The following SYTL3 variants were observed in gnomAD, a reference collection of about 807,000 sequenced individuals.
SYTL3 encodes the protein synaptotagmin-like protein 3.
Under a neutral mutation model 82.1 loss-of-function variants are expected in SYTL3, and 88 were observed. That is an observed-to-expected ratio of 1.07 (90% CI 0.90 to 1.28). SYTL3 has a LOEUF of 1.28. Ranked by LOEUF, SYTL3 falls within the 50% of genes most tolerant of loss-of-function variation. SYTL3 has a pLI of 0.00. For synonymous variants in SYTL3, 311 were observed against 289.4 expected (o/e 1.07, Z -0.76); for missense variants, 831 against 757.6 (o/e 1.10, Z -1.14).
At chr6:158,763,083 C>T (rs772067023) in intron 16 of SYTL3, among the ~76,000 whole-genome samples, 7 of 152,200 alleles carry the variant, frequency 4.6e-5, no homozygotes, top group South Asian at 2.1e-4. Context: ...ATGAGGGCCA[C>T]GAGGCCTCAG....
At chr6:158,715,639 A>ACCCCCCCCCCCCCCCCCCCCCCC (rs71030193) in intron 9 of SYTL3, among the ~76,000 whole-genome samples, 1 of 92,994 alleles carries the variant, frequency 1.1e-5, no homozygotes. Context: ...CACCCCCCAT[A>ACCCCCCCCCCCCCCCCCCCCCCC]CCCCCCCACC....
chr6:158,658,571 C>A (rs146797165), intron 2 of SYTL3, among the ~76,000 whole-genome samples: 1 of 152,176 alleles, frequency 6.6e-6, no homozygotes, highest in Admixed American at 6.6e-5. Flanking sequence ...CTATGCTATA[C>A]CTCTTGGATC....
At chr6:158,691,035 G>A (rs943907840) in intron 6 of SYTL3, among the ~76,000 whole-genome samples, 1 of 152,070 alleles carries the variant, frequency 6.6e-6, no homozygotes, top group Non-Finnish European at 1.5e-5. Context: ...TAATTTGGTG[G>A]GGCCAGATGG....
chr6:158,674,125 G>C, intron 5 of SYTL3, among the ~76,000 whole-genome samples: 1 of 127,680 alleles, frequency 7.8e-6, no homozygotes, highest in East Asian at 3.4e-4. Context: ...TAATAATGAT[G>C]ATGATGATGA....
intron 12 of SYTL3, among the ~76,000 whole-genome samples, chr6:158,748,219 TAA>T (rs1215665792): frequency 6.6e-6 from 1 of 152,152 alleles, no homozygotes; most frequent in African/African-American, 2.4e-5. Flanking sequence ...AATTACCAGC[TAA>T]AGAGTGATGA....
At chr6:158,693,648 G>A (rs1780162720) in intron 6 of SYTL3, among the ~76,000 whole-genome samples, 1 of 149,372 alleles carries the variant, frequency 6.7e-6, no homozygotes. Flanking sequence ...GCTTCCAAAA[G>A]TGCTGGGATT....
At chr6:158,695,063 C>T (rs1391133452) in intron 6 of SYTL3, among the ~76,000 whole-genome samples, 1 of 152,150 alleles carries the variant, frequency 6.6e-6, no homozygotes, top group Non-Finnish European at 1.5e-5. Context: ...CAAATCTGGC[C>T]CATCACCCTG....
At chr6:158,717,752 G>T (rs1783590207) in intron 9 of SYTL3, among the ~76,000 whole-genome samples, 1 of 152,138 alleles carries the variant, frequency 6.6e-6, no homozygotes, top group Admixed American at 6.5e-5. Context: ...TTCGTGTTTG[G>T]ATGAGTGCAC....
intron 11 of SYTL3, among the ~76,000 whole-genome samples, chr6:158,733,563 G>A (rs1374075548): frequency 1.3e-5 from 2 of 151,748 alleles, no homozygotes; most frequent in African/African-American, 4.8e-5. Flanking sequence ...TCCTGACCTC[G>A]TGATCCGCCC....
At chr6:158,732,763 C>T (rs1785575794) in intron 11 of SYTL3, among the ~76,000 whole-genome samples, 1 of 152,182 alleles carries the variant, frequency 6.6e-6, no homozygotes, top group African/African-American at 2.4e-5. Context: ...CCTTATTCAT[C>T]TCCAAGTGAA....
At chr6:158,692,924 C>G (rs1780066266) in intron 6 of SYTL3, among the ~76,000 whole-genome samples, 1 of 151,662 alleles carries the variant, frequency 6.6e-6, no homozygotes, top group South Asian at 2.1e-4. Flanking sequence ...GCACTCCAGC[C>G]TGGGCGACAG....
At chr6:158,686,526 CG>C (rs746340359) in intron 6 of SYTL3, among the ~76,000 whole-genome samples, 1 of 151,970 alleles carries the variant, frequency 6.6e-6, no homozygotes, top group Non-Finnish European at 1.5e-5. Context: ...GAGTTTGCAG[CG>C]GGTGCGTCAG....
At chr6:158,678,074 G>A (rs1410225786) in intron 5 of SYTL3, among the ~76,000 whole-genome samples, 1 of 152,074 alleles carries the variant, frequency 6.6e-6, no homozygotes, top group African/African-American at 2.4e-5. Context: ...ATTTTTGGTA[G>A]GGATGTTGCT....
intron 2 of SYTL3, among the ~76,000 whole-genome samples, chr6:158,652,210 G>A (rs190289408): frequency 1.3e-5 from 2 of 150,546 alleles, no homozygotes; most frequent in African/African-American, 4.9e-5. Flanking sequence ...TTACAGGTGT[G>A]AGCCACCGAG....
intron 6 of SYTL3, among the ~76,000 whole-genome samples, chr6:158,694,679 T>A (rs770382352): frequency 2.6e-4 from 40 of 152,212 alleles, no homozygotes; most frequent in Admixed American, 1.8e-3. Context: ...AAGGTCCAAG[T>A]CACTTTGAAT....
intron 11 of SYTL3, among the ~76,000 whole-genome samples, chr6:158,731,546 A>C (rs1473055046): frequency 3.3e-5 from 5 of 151,926 alleles, no homozygotes; most frequent in Non-Finnish European, 5.9e-5. Flanking sequence ...TTCCAAAGTT[A>C]TCTCTCTTTT....
At chr6:158,665,340 G>C in intron 4 of SYTL3, 55 bp from the exon 5 acceptor site, 1 of 1,520,042 alleles carries the variant, frequency 6.6e-7, no homozygotes, top group Non-Finnish European at 8.9e-7. Context: ...TTGCCCTATA[G>C]CCTGGGGTCA....
intron 11 of SYTL3, among the ~76,000 whole-genome samples, chr6:158,731,675 G>A (rs1785439882): frequency 6.6e-6 from 1 of 152,160 alleles, no homozygotes; most frequent in Non-Finnish European, 1.5e-5. Context: ...CTCACTGCAA[G>A]TTCTGCCTCC....
At chr6:158,654,796 CAG>C (rs1417427303) in intron 2 of SYTL3, among the ~76,000 whole-genome samples, 1 of 152,164 alleles carries the variant, frequency 6.6e-6, no homozygotes, top group Non-Finnish European at 1.5e-5. Flanking sequence ...AAAAGTGACA[CAG>C]AGACAGGATG....
Sources: gnomAD v4.1 joint callset for allele counts (sites outside exome capture counted in the v4.1 genomes callset) on GRCh38, gnomAD v4.1.1 for gene constraint, MANE v1.5 for transcripts, NCBI Gene and HGNC (gene_info 2026-07-23, HGNC 2026-07-21) for gene names.